The following UTP25 variants were observed in gnomAD, a reference collection of about 807,000 sequenced individuals.
UTP25 encodes U3 small nucleolar RNA-associated protein 25 homolog.
A neutral mutation model predicts 78.9 loss-of-function variants in UTP25; 50 were observed. The ratio of observed to expected loss-of-function variants is 0.63; its 90% CI spans 0.50 to 0.80. The LOEUF is 0.80. UTP25 is among the 30% of genes least tolerant of loss of function. The pLI, the probability that UTP25 is intolerant of heterozygous loss-of-function variation, is 0.00. For missense variants in UTP25, 846 were observed against 911.3 expected, an observed-to-expected ratio of 0.93 and a Z score of 0.92; for synonymous variants, 329 against 336.5, an observed-to-expected ratio of 0.98 and a Z score of 0.24.
intron 7 of UTP25, 96 bp from the exon 8 acceptor site, chr1:209,840,757 T>C: frequency 8.7e-7 from 1 of 1,151,450 alleles, no homozygotes; most frequent in Non-Finnish European, 1.3e-6. Context: ...AAAAGAGATG[T>C]GGAAGCAATA....
chr1:209,844,701 T>C (rs2078187061), intron 11 of UTP25: 1 of 152,222 alleles, frequency 6.6e-6, no homozygotes, highest in African/African-American at 2.4e-5. Context: ...TCTATTACTG[T>C]TTGGGATAGT....
chr1:209,835,871 T>G (rs2078129976), intron 5 of UTP25, among the ~76,000 whole-genome samples: 1 of 152,234 alleles, frequency 6.6e-6, no homozygotes, highest in Non-Finnish European at 1.5e-5. Flanking sequence ...CCAGTCTTAC[T>G]CAGATCTGGT....
At chr1:209,833,484 C>A in intron 4 of UTP25, 126 bp downstream of exon 4, 2 of 809,290 alleles carry the variant, frequency 2.5e-6, no homozygotes, top group Non-Finnish European at 3.6e-6. Context: ...AGATCTAGAG[C>A]TGGGAAAAAT....
chr1:209,836,695 T>G, intron 5 of UTP25, 106 bp from the exon 6 acceptor site: 16 of 1,238,040 alleles, frequency 1.3e-5, no homozygotes, highest in Non-Finnish European at 1.8e-5. Context: ...GAGGATTAAA[T>G]GAGATGATCT....
chr1:209,835,037 G>A, intron 4 of UTP25, 38 bp from the exon 5 acceptor site: 3 of 1,548,680 alleles, frequency 1.9e-6, no homozygotes, highest in Middle Eastern at 1.7e-4. Context: ...CCCCTCTGTA[G>A]TTGCATAGTG....
In UTP25 at chr1:209,833,378, T is replaced by C. The variant is rs765677731; in HGVS notation, c.562+20T>C. The C allele has an allele frequency of 2.5e-5, 38 of 1,504,478 alleles. No individual in the cohort carries two copies. The East Asian group carries it at 9.0e-4, about 36-fold the overall frequency. 93.2% of individuals were successfully genotyped at this position (1,504,478 alleles called of 1,614,324 possible). On this transcript the variant is annotated intron_variant, in intron 4 of 11. Transcript: ENST00000491415. ...CTCAAGGTCATAGCACAGTGTGTGT[T>C]ATTTGAATTCACCAGGTGCTTAGTA...
Position 209,836,997 on chromosome 1 carries a change from T to A in UTP25, c.848T>A (p.Phe283Tyr), listed in dbSNP as rs1231342089. The change falls in exon 6 of 12, where the codon TTC becomes TAC. Residue 283 changes from phenylalanine to tyrosine, a missense_variant. Coordinates refer to ENST00000491415, the MANE Select transcript of UTP25 (RefSeq NM_014388.7). The stretch of plus-strand genomic sequence containing the variant: ...TTCACCCCCCTCCAGAAAGAACTCT[T>A]CTTAATTATGAATTCTTACCGGGAC... ...SPFTPLQKEL[F>Y]LIMNSYRDLF... 1 of 1,613,934 alleles carries A rather than the reference T, an allele frequency of 6.2e-7. No individual in the cohort carries two copies. The highest frequency in any genetic ancestry group is 2.2e-5 in the East Asian group (1 of 44,888).
chr1:209,835,950 G>A (rs774970805), intron 5 of UTP25, among the ~76,000 whole-genome samples: 7 of 152,080 alleles, frequency 4.6e-5, no homozygotes, highest in Non-Finnish European at 8.8e-5. Context: ...ATAGGTTCCT[G>A]TATCTACTCC....
At position 209,857,259 on chromosome 1, in the gene UTP25, G is replaced by A. The variant is rs1412232345; in HGVS notation, c.*5812G>A. 1.3e-5 allele frequency: 2 copies of A among 151,624 alleles called. No individual in the cohort carries two copies. Among genetic ancestry groups the A allele is most frequent in the Non-Finnish European group, 2.9e-5 (2 of 67,946 alleles). 9.4% of individuals were successfully genotyped at this position (151,624 alleles called of 1,614,324 possible). Reference sequence around the variant, plus strand: ...CAAATTTTTTTTTTCCCCACTTAAGGCTCAACTATTGGAATACATCTACCA... The same window carrying A: ...CAAATTTTTTTTTTCCCCACTTAAGACTCAACTATTGGAATACATCTACCA... On this transcript the variant is annotated 3_prime_UTR_variant, in exon 12 of 12. Transcript: ENST00000491415.
At chr1:209,841,339 G>GTGGGTGGA (rs1264272751) in intron 8 of UTP25, among the ~76,000 whole-genome samples, 2 of 152,166 alleles carry the variant, frequency 1.3e-5, no homozygotes, top group Non-Finnish European at 1.5e-5. Context: ...TAACTTTAGG[G>GTGGGTGGA]TGGGTGGATG....
chr1:209,828,251 G>A, intron 1 of UTP25, 81 bp downstream of exon 1: 2 of 1,047,268 alleles, frequency 1.9e-6, no homozygotes, highest in Non-Finnish European at 2.9e-6. Context: ...AGATAGTGCT[G>A]CTCCGGCCTT....
intron 7 of UTP25, among the ~76,000 whole-genome samples, chr1:209,839,429 C>T (rs2078153915): frequency 1.3e-5 from 2 of 152,158 alleles, no homozygotes; most frequent in South Asian, 4.1e-4. Context: ...TAGCTGGTAG[C>T]AGATAGATGC....
At chr1:209,834,841 C>A (rs1289951199) in intron 4 of UTP25, among the ~76,000 whole-genome samples, 3 of 152,110 alleles carry the variant, frequency 2.0e-5, no homozygotes, top group Non-Finnish European at 4.4e-5. Flanking sequence ...GAATTCCAGG[C>A]TGAGAAGTTT....
intron 7 of UTP25, among the ~76,000 whole-genome samples, chr1:209,840,414 C>G (rs933480655): frequency 1.6e-4 from 25 of 152,216 alleles, no homozygotes; most frequent in African/African-American, 4.8e-4. Context: ...AGGAAAAGAG[C>G]ATTGCAAGGC....
At chr1:209,839,950 T>G (rs1471533907) in intron 7 of UTP25, among the ~76,000 whole-genome samples, 3 of 152,126 alleles carry the variant, frequency 2.0e-5, no homozygotes, top group Non-Finnish European at 4.4e-5. Flanking sequence ...CTGTACTAGG[T>G]GGAAACCTGT....
chr1:209,855,592 T>TC lies in UTP25; in HGVS notation c.*4149dup, dbSNP rs2078269808. On this transcript the variant is annotated 3_prime_UTR_variant, in exon 12 of 12. Transcript: ENST00000491415. ...CCTGCTGGGCAGCTCAGTACAGATG[T>TC]CCCCTCACTGCTGGAAGAAACACCT... is the stretch of plus-strand genomic sequence containing the variant. The TC allele has an allele frequency of 1.3e-5, 2 of 152,296 alleles. No homozygotes were observed. Among genetic ancestry groups the TC allele is most frequent in the Admixed American group, 1.3e-4 (2 of 15,276 alleles). The allele number at this position is 152,296 out of a possible 1,614,324, so 9.4% of individuals were successfully genotyped here. A position where few individuals can be genotyped will look rare whatever the true frequency, so the allele number is the denominator to read the frequency against.
At chr1:209,831,540 C>T (rs2078103398) in intron 3 of UTP25, among the ~76,000 whole-genome samples, 2 of 152,234 alleles carry the variant, frequency 1.3e-5, no homozygotes, top group Non-Finnish European at 1.5e-5. Context: ...GTCACTCAGA[C>T]TTGAAGGTGA....
chr1:209,837,018 G>A lies in UTP25; in HGVS notation c.869G>A (p.Arg290Gln), dbSNP rs763964757. 38 of 1,613,932 alleles carry A rather than the reference G, an allele frequency of 2.4e-5. No homozygotes were observed. The highest frequency in any genetic ancestry group is 5.0e-5 in the Admixed American group (3 of 59,988). ...KELFLIMNSYRDLFYPERTAL... is the reference protein window; with the variant it reads ...KELFLIMNSYQDLFYPERTAL... ...CTCTTCTTAATTATGAATTCTTACC[G>A]GGACCTGTTCTACCCGGAAAGGACT... Residue 290 changes from arginine (R) to glutamine (Q), a missense_variant, in exon 6 of 12, where the codon CGG becomes CAG. Coordinates refer to ENST00000491415, the MANE Select transcript of UTP25 (RefSeq NM_014388.7).
rs368317387 is a variant in UTP25 at position 209,851,301 on chromosome 1, AGAG to A, written c.2129_2131del (p.Gly710del). On this transcript the variant is annotated inframe_deletion, in exon 12 of 12. Coordinates refer to ENST00000491415, the MANE Select transcript of UTP25 (RefSeq NM_014388.7). ...CTGTAATATGCTGAGAGCCACCAAC[AGAG>A]GAGAAGAGGCCACGTGGACCTGCAC... The A allele has an allele frequency of 3.8e-5, 61 of 1,614,222 alleles. 1 individual carries two copies. The highest frequency in any genetic ancestry group is 3.6e-4 in the South Asian group (33 of 91,090).
Sources: gnomAD v4.1 joint callset for allele counts (sites outside exome capture counted in the v4.1 genomes callset) on GRCh38, gnomAD v4.1.1 for gene constraint, MANE v1.5 for transcripts, NCBI Gene and HGNC (gene_info 2026-07-23, HGNC 2026-07-21) for gene names.